The following VWC2L variants were observed in gnomAD, a reference collection of about 807,000 sequenced individuals.
VWC2L encodes von Willebrand factor C domain-containing protein 2-like.
Under a neutral mutation model 21.6 loss-of-function variants are expected in VWC2L, and 10 were observed. That is an observed-to-expected ratio of 0.46 (90% CI 0.29 to 0.78). VWC2L has a LOEUF of 0.78. VWC2L is among the 30% of genes least tolerant of loss of function. The pLI is 0.10. For synonymous variants in VWC2L, 96 were observed against 94.3 expected, an observed-to-expected ratio of 1.02 and a Z score of -0.10; for missense variants, 209 against 277.1, an observed-to-expected ratio of 0.75 and a Z score of 1.74.
chr2:214,514,443 C>T (rs1010236793), intron 3 of VWC2L, among the ~76,000 whole-genome samples: 2 of 152,110 alleles, frequency 1.3e-5, no homozygotes, highest in African/African-American at 4.8e-5. Context: ...TCATTTTAGT[C>T]TCTGTCTAGA....
intron 2 of VWC2L, among the ~76,000 whole-genome samples, chr2:214,427,222 A>T (rs1460606238): frequency 6.6e-6 from 1 of 152,214 alleles, no homozygotes; most frequent in East Asian, 1.9e-4. Flanking sequence ...GAAAAAAACA[A>T]AATTGTTCAG....
chr2:214,537,898 G>A (rs1015421709), intron 3 of VWC2L, among the ~76,000 whole-genome samples: 7 of 97,652 alleles, frequency 7.2e-5, no homozygotes, highest in African/African-American at 2.4e-4. Flanking sequence ...AAAGGATAGT[G>A]GCCTTTTTTT....
At chr2:214,474,963 T>C (rs900915483) in intron 3 of VWC2L, among the ~76,000 whole-genome samples, 2 of 152,150 alleles carry the variant, frequency 1.3e-5, no homozygotes, top group Non-Finnish European at 2.9e-5. Context: ...TGGTTCCTTG[T>C]GGAAATGAAG....
intron 3 of VWC2L, among the ~76,000 whole-genome samples, chr2:214,469,617 A>T (rs1179053486): frequency 2.0e-5 from 3 of 152,056 alleles, no homozygotes; most frequent in African/African-American, 7.2e-5. Context: ...TCATGGGTAC[A>T]CTATGTATGA....
chr2:214,534,538 G>A (rs958279240), intron 3 of VWC2L, among the ~76,000 whole-genome samples: 1 of 152,182 alleles, frequency 6.6e-6, no homozygotes, highest in Middle Eastern at 3.4e-3. Context: ...TAGAGCTGCT[G>A]CATGACTCTG....
Position 214,576,156 on chromosome 2 carries a change from C to A in VWC2L, c.*336C>A, listed in dbSNP as rs927089589. On this transcript the variant is annotated 3_prime_UTR_variant, in exon 4 of 4. Transcript: ENST00000312504. ...TGCCTCTGACCTACCAGCTCACTGT[C>A]CCCTGGTTTACTTCATTTTTACTCT... is the stretch of plus-strand genomic sequence containing the variant. 6.0e-6 allele frequency: 1 copy of A among 165,836 alleles called. No individual in the cohort carries two copies. The highest frequency in any genetic ancestry group is 1.3e-5 in the Non-Finnish European group (1 of 77,120). 10.3% of individuals were successfully genotyped at this position (165,836 alleles called of 1,614,324 possible).
intron 1 of VWC2L, among the ~76,000 whole-genome samples, chr2:214,412,984 C>G (rs1434377309): frequency 3.3e-5 from 5 of 152,032 alleles, no homozygotes. Flanking sequence ...CCCAGAGCCT[C>G]TGTGTGATTT....
chr2:214,498,877 C>T (rs528716553), intron 3 of VWC2L, among the ~76,000 whole-genome samples: 9 of 151,302 alleles, frequency 5.9e-5, no homozygotes, highest in Admixed American at 3.3e-4. Flanking sequence ...AAACCATTGT[C>T]TTATTCATTT....
At chr2:214,454,570 A>G (rs138507665) in intron 3 of VWC2L, among the ~76,000 whole-genome samples, 9 of 140,700 alleles carry the variant, frequency 6.4e-5, no homozygotes, top group Non-Finnish European at 1.1e-4. Flanking sequence ...TTAGTTTACT[A>G]GTATACTGAA....
At chr2:214,509,441 T>A (rs1241080387) in intron 3 of VWC2L, among the ~76,000 whole-genome samples, 1 of 144,400 alleles carries the variant, frequency 6.9e-6, no homozygotes, top group Admixed American at 7.4e-5. Context: ...TTTTTCTACT[T>A]CTCTAAAGAA....
intron 3 of VWC2L, among the ~76,000 whole-genome samples, chr2:214,461,726 T>C (rs1703144256): frequency 6.6e-6 from 1 of 152,106 alleles, no homozygotes; most frequent in African/African-American, 2.4e-5. Flanking sequence ...GAGCAGGTTA[T>C]GATAGGCAGG....
intron 3 of VWC2L, among the ~76,000 whole-genome samples, chr2:214,455,706 A>T (rs1015732246): frequency 1.3e-5 from 2 of 152,046 alleles, no homozygotes; most frequent in African/African-American, 4.8e-5. Context: ...CCGCAGAACA[A>T]TCTCTCTCCC....
At position 214,414,399 on chromosome 2, in the gene VWC2L, C is replaced by T; in HGVS notation, c.206C>T (p.Pro69Leu). ...FVYKLGERFF[P>L]GHSNCPCVCA... The stretch of plus-strand genomic sequence containing the variant: ...TACAAGTTGGGAGAACGATTTTTCC[C>T]TGGGCATTCCAACTGTCCATGTGTC... The change falls in exon 2 of 4, where the codon CCT becomes CTT. Residue 69 changes from proline (P) to leucine (L), a missense_variant. By Grantham distance (98) the Pro-to-Leu change is moderately conservative (BLOSUM62 -3). Coordinates refer to ENST00000312504, the MANE Select transcript of VWC2L (RefSeq NM_001080500.4). The T allele has an allele frequency of 6.2e-7, 1 of 1,613,662 alleles. No individual in the cohort carries two copies. The highest frequency in any genetic ancestry group is 8.5e-7 in the Non-Finnish European group (1 of 1,179,740).
chr2:214,493,959 A>T (rs1037747420), intron 3 of VWC2L, among the ~76,000 whole-genome samples: 25 of 152,274 alleles, frequency 1.6e-4, no homozygotes, highest in African/African-American at 5.8e-4. Flanking sequence ...TTCTTCCATT[A>T]TTTCTCCACA....
intron 3 of VWC2L, among the ~76,000 whole-genome samples, chr2:214,521,116 T>C (rs532847688): frequency 1.3e-5 from 2 of 151,964 alleles, no homozygotes; most frequent in South Asian, 2.1e-4. Flanking sequence ...TCCCAGCTAC[T>C]CGGGAGGCTG....
At chr2:214,425,518 A>AT (rs1702509037) in intron 2 of VWC2L, among the ~76,000 whole-genome samples, 1 of 152,154 alleles carries the variant, frequency 6.6e-6, no homozygotes, top group African/African-American at 2.4e-5. Context: ...ATAAAGATTA[A>AT]TTTTTTATCT....
At chr2:214,490,986 TAC>T (rs1213242374) in intron 3 of VWC2L, among the ~76,000 whole-genome samples, 1 of 152,134 alleles carries the variant, frequency 6.6e-6, no homozygotes, top group Non-Finnish European at 1.5e-5. Flanking sequence ...CCGGAATATG[TAC>T]ATTCATAGAT....
intron 2 of VWC2L, among the ~76,000 whole-genome samples, chr2:214,423,686 C>A (rs35131027): frequency 1.3e-5 from 2 of 152,002 alleles, no homozygotes; most frequent in East Asian, 1.9e-4. Flanking sequence ...TCAAACTAGC[C>A]TAAGTTTCCA....
At chr2:214,554,879 G>A (rs995323403) in intron 3 of VWC2L, among the ~76,000 whole-genome samples, 3 of 152,060 alleles carry the variant, frequency 2.0e-5, no homozygotes, top group East Asian at 1.9e-4. Context: ...GACATACTTC[G>A]AAATGGCCCT....
Sources: gnomAD v4.1 joint callset for allele counts (sites outside exome capture counted in the v4.1 genomes callset) on GRCh38, gnomAD v4.1.1 for gene constraint, MANE v1.5 for transcripts, NCBI Gene and HGNC (gene_info 2026-07-23, HGNC 2026-07-21) for gene names.